Variants in GRHL2 observed in about 807,000 individuals in gnomAD.
GRHL2 encodes the protein grainyhead-like protein 2 homolog.
GRHL2 carries 21 observed loss-of-function variants against 83.8 expected under a neutral mutation model. The ratio of observed to expected loss-of-function variants is 0.25; its 90% confidence interval spans 0.18 to 0.36. The LOEUF (loss-of-function observed/expected upper bound fraction) is 0.36. Ranked by LOEUF, GRHL2 falls within the 10% of genes least tolerant of loss-of-function variation. GRHL2 has a pLI of 1.00. For missense variants in GRHL2, 623 were observed against 781.8 expected, an observed-to-expected ratio of 0.80 and a Z score of 2.42; for synonymous variants, 280 against 278.9, an observed-to-expected ratio of 1.00 and a Z score of -0.04.
chr8:101,558,300 C>T (rs1459095332), intron 3 of GRHL2, 119 bp from the exon 4 acceptor site: 8 of 1,216,890 alleles, frequency 6.6e-6, no homozygotes, highest in Non-Finnish European at 9.6e-6. Flanking sequence ...TTTGCCAGCC[C>T]CCTGTCCCTT....
intron 1 of GRHL2, among the ~76,000 whole-genome samples, chr8:101,528,135 C>T (rs1810845284): frequency 6.6e-6 from 1 of 152,026 alleles, no homozygotes; most frequent in Non-Finnish European, 1.5e-5. Flanking sequence ...TCTTCCCTTT[C>T]ATCCTCTTCA....
intron 7 of GRHL2, among the ~76,000 whole-genome samples, chr8:101,594,789 G>A (rs1029986928): frequency 2.0e-5 from 3 of 152,148 alleles, no homozygotes; most frequent in Non-Finnish European, 4.4e-5. Context: ...ACAAACTTAT[G>A]GAGCACATCC....
At chr8:101,654,563 C>A (rs1355115551) in intron 14 of GRHL2, among the ~76,000 whole-genome samples, 1 of 152,060 alleles carries the variant, frequency 6.6e-6, no homozygotes, top group Non-Finnish European at 1.5e-5. Context: ...GAATAAGGAG[C>A]CAAAAAACGA....
intron 1 of GRHL2, among the ~76,000 whole-genome samples, chr8:101,503,063 G>A (rs1019402265): frequency 6.6e-6 from 1 of 152,094 alleles, no homozygotes; most frequent in Non-Finnish European, 1.5e-5. Context: ...TATTTAGGTC[G>A]GGAATAAAAT....
intron 8 of GRHL2, among the ~76,000 whole-genome samples, chr8:101,601,058 G>A (rs1352369362): frequency 6.6e-6 from 1 of 151,986 alleles, no homozygotes; most frequent in Non-Finnish European, 1.5e-5. Context: ...TACTCAAGAG[G>A]CAGAGGTGGG....
the GRHL2 span, among the ~76,000 whole-genome samples, chr8:101,677,712 A>G: frequency 6.6e-6 from 1 of 152,080 alleles, no homozygotes; most frequent in South Asian, 2.1e-4. Context: ...AAGTGTTAGA[A>G]AAAAAGTCAT....
intron 1 of GRHL2, among the ~76,000 whole-genome samples, chr8:101,517,830 T>G (rs1810602215): frequency 6.6e-6 from 1 of 152,242 alleles, no homozygotes; most frequent in South Asian, 2.1e-4. Flanking sequence ...TACCTGACTT[T>G]CTAACAGGAT....
intron 2 of GRHL2, among the ~76,000 whole-genome samples, chr8:101,547,463 G>A (rs910610759): frequency 2.6e-5 from 4 of 152,170 alleles, no homozygotes; most frequent in Non-Finnish European, 5.9e-5. Context: ...TGAGCTACAC[G>A]CAGGCACTCC....
At chr8:101,494,010 G>C (rs939745648) in intron 1 of GRHL2, among the ~76,000 whole-genome samples, 3 of 152,274 alleles carry the variant, frequency 2.0e-5, no homozygotes, top group Admixed American at 2.0e-4. Context: ...CCTCCTCTCG[G>C]GCGCGTCCGG....
chr8:101,679,742 C>A, the GRHL2 span, among the ~76,000 whole-genome samples: 1 of 150,858 alleles, frequency 6.6e-6, no homozygotes, highest in Non-Finnish European at 1.5e-5. Flanking sequence ...AGAAACCCTA[C>A]AAGCCAGAAG....
At chr8:101,597,451 T>G (rs953973070) in intron 7 of GRHL2, among the ~76,000 whole-genome samples, 1 of 151,832 alleles carries the variant, frequency 6.6e-6, no homozygotes. Context: ...CAATGATAGA[T>G]TGGATTAAGA....
rs1007279336 is a variant in GRHL2 at position 101,518,787 on chromosome 8, T to C, written c.21-24454T>C. Among the ~76,000 whole-genome samples the C allele has an allele frequency of 3.9e-5, 6 of 152,248 alleles. No individual in the cohort carries two copies. The East Asian group carries it at 5.8e-4, about 15-fold the overall frequency. On this transcript the variant is annotated intron_variant, in intron 1 of 15. Coordinates refer to ENST00000646743, the MANE Select transcript of GRHL2 (RefSeq NM_024915.4). Reference sequence around the variant, plus strand: ...TTCCATCTCTGCTAAAGTCTGAAAGTGGAGGTAATGACATCTCAAAGAGTT... The same window carrying C: ...TTCCATCTCTGCTAAAGTCTGAAAGCGGAGGTAATGACATCTCAAAGAGTT...
rs1813685484 is a variant in GRHL2, at chr8:101,652,547, G to GGTAT, written c.1698+3050_1698+3051insATGT. 2.8e-4 allele frequency among the ~76,000 whole-genome samples: 14 copies of GGTAT among 50,360 alleles called. 1 individual carries two copies. The East Asian group carries it at 7.6e-3, about 27-fold the overall frequency. The allele number at this position is 50,360 out of a possible 152,430, so 33.0% of individuals were successfully genotyped here. On this transcript the variant is annotated intron_variant, in intron 14 of 15. Coordinates refer to ENST00000646743, the MANE Select transcript of GRHL2 (RefSeq NM_024915.4). ...GTGTGTGTGTGGTGTGTGTGTGTGT[G>GGTAT]GTGTGTATGTGTGGTGGTGTGTGTG... is the stretch of plus-strand genomic sequence containing the variant.
Position 101,664,496 on chromosome 8 carries a change from C to A in GRHL2, c.1741C>A (p.Leu581Ile). The change falls in exon 15 of 16, where the codon CTT (leucine) becomes ATT (isoleucine). Residue 581 changes from leucine to isoleucine, a missense_variant. Physicochemically the swap from Leu to Ile is conservative, Grantham distance 5. Transcript: ENST00000646743. ...YGLPVEKIAK[L>I]YKKSKKGILV... Reference sequence around the variant, plus strand: ...GCTGCCCGTGGAGAAGATAGCAAAGCTTTACAAGAAAAGCAAAAAAGGGTA... The same window carrying A: ...GCTGCCCGTGGAGAAGATAGCAAAGATTTACAAGAAAAGCAAAAAAGGGTA... 1.2e-6 allele frequency: 2 copies of A among 1,613,372 alleles called. No individual in the cohort carries two copies. The highest frequency in any genetic ancestry group is 1.7e-6 in the Non-Finnish European group (2 of 1,179,428).
chr8:101,552,557 A>G (rs1244387236), intron 2 of GRHL2, among the ~76,000 whole-genome samples, 158 bp from the exon 3 acceptor site: 1 of 152,216 alleles, frequency 6.6e-6, no homozygotes, highest in East Asian at 1.9e-4. Context: ...ATTGTCACTC[A>G]GGCTACTAGC....
intron 1 of GRHL2, among the ~76,000 whole-genome samples, chr8:101,526,035 A>C (rs1810797527): frequency 6.6e-6 from 1 of 152,188 alleles, no homozygotes; most frequent in African/African-American, 2.4e-5. Flanking sequence ...GTTATTTCAC[A>C]TTTTTGCAAC....
In GRHL2 at chr8:101,632,105, G is replaced by A. The variant is rs569087973; in HGVS notation, c.1346-121G>A. The A allele has an allele frequency of 1.5e-5, 16 of 1,073,516 alleles. 1 individual carries two copies. In the South Asian group the frequency reaches 1.6e-4, roughly 11 times the overall value. 66.5% of individuals were successfully genotyped at this position (1,073,516 alleles called of 1,614,324 possible). On this transcript the variant is annotated intron_variant, in intron 10 of 15. Coordinates refer to ENST00000646743, the MANE Select transcript of GRHL2 (RefSeq NM_024915.4). Reference sequence around the variant, plus strand: ...GAGGTGGTGGGAGGTGTTGAAGTGTGTTCACATCTATGGTATTCAGAAAGC... The same window carrying A: ...GAGGTGGTGGGAGGTGTTGAAGTGTATTCACATCTATGGTATTCAGAAAGC...
chr8:101,680,835 A>G, the GRHL2 span, among the ~76,000 whole-genome samples: 1 of 125,664 alleles, frequency 8.0e-6, no homozygotes, highest in East Asian at 2.3e-4. Flanking sequence ...TACTGGGTAC[A>G]TAACGAAATG....
chr8:101,598,201 A>G (rs1419078759), intron 7 of GRHL2, among the ~76,000 whole-genome samples: 1 of 151,978 alleles, frequency 6.6e-6, no homozygotes, highest in Non-Finnish European at 1.5e-5. Flanking sequence ...GAATAGACCA[A>G]CTATGATTAA....
Sources: gnomAD v4.1 joint callset for allele counts (sites outside exome capture counted in the v4.1 genomes callset) on GRCh38, gnomAD v4.1.1 for gene constraint, MANE v1.5 for transcripts, NCBI Gene and HGNC (gene_info 2026-07-23, HGNC 2026-07-21) for gene names.